STARD8: variants seen among roughly 807,000 people sequenced by gnomAD.
STARD8 encodes the protein StAR related lipid transfer domain containing 8.
STARD8 carries 25 observed loss-of-function variants against 69.4 expected under a neutral mutation model. That is an observed-to-expected ratio of 0.36 (90% CI 0.26 to 0.50). The LOEUF is 0.50. Among genes scored for constraint, STARD8 ranks in the 20% least tolerant of loss-of-function variants. STARD8 has a pLI of 0.96. For synonymous variants in STARD8, 389 were observed against 374.6 expected (o/e 1.04, Z -0.45); for missense variants, 921 against 932.5 (o/e 0.99, Z 0.16).
rs1478600919 is a variant in STARD8, at chrX:68,661,968, CTCTCTTTCTTTCTT to C, written c.46-3527_46-3514del. Among the ~76,000 whole-genome samples, 479 of 74,439 alleles carry C rather than the reference CTCTCTTTCTTTCTT, an allele frequency of 6.4e-3. 1 individual carries two copies. Among genetic ancestry groups the C allele is most frequent in the African/African-American group, 0.037 (438 of 11,863 alleles). The allele number at this position is 74,439 out of a possible 115,157, so 64.6% of individuals were successfully genotyped here. A position where few individuals can be genotyped will look rare whatever the true frequency, so the allele number is the denominator to read the frequency against. On this transcript the variant is annotated intron_variant, in intron 1 of 14. Coordinates refer to ENST00000374599, the MANE Select transcript of STARD8 (RefSeq NM_001142503.3). ...TTCCTCTCTCTCTCTCTCTCTCTCTCTCTCTTTCTTTCTTTCTTTCTTTCTTTCTTTCTTTCTTT... is the reference window on the plus strand; with the variant it reads ...TTCCTCTCTCTCTCTCTCTCTCTCTCTCTTTCTTTCTTTCTTTCTTTCTTT...
chrX:68,715,502 T>C lies in STARD8; in HGVS notation c.233+127T>C, dbSNP rs1457138478. 5.6e-6 allele frequency: 3 copies of C among 537,710 alleles called. No homozygotes were observed. The African/African-American group carries it at 7.1e-5, about 13-fold the overall frequency. The allele number at this position is 537,710 out of a possible 1,213,427, so 44.3% of individuals were successfully genotyped here. A position where few individuals can be genotyped will look rare whatever the true frequency, so the allele number is the denominator to read the frequency against. ...GCTTACTAACAAAGCTCATCTTCTGTGGTCACATTGCTCATTCTGTTCTTT... is the reference window on the plus strand; with the variant it reads ...GCTTACTAACAAAGCTCATCTTCTGCGGTCACATTGCTCATTCTGTTCTTT... On this transcript the variant is annotated intron_variant, in intron 4 of 14. Transcript: ENST00000374599.
chrX:68,725,547 G>C lies in STARD8; in HGVS notation c.*1125G>C, dbSNP rs1428555711. 1.0e-5 allele frequency: 1 copy of C among 99,192 alleles called. No individual in the cohort carries two copies. Among genetic ancestry groups the C allele is most frequent in the Non-Finnish European group, 2.0e-5 (1 of 50,717 alleles). The allele number at this position is 99,192 out of a possible 1,213,427, so 8.2% of individuals were successfully genotyped here. On this transcript the variant is annotated 3_prime_UTR_variant, in exon 15 of 15. Coordinates refer to ENST00000374599, the MANE Select transcript of STARD8 (RefSeq NM_001142503.3). ...TATTTTATTTGTACCTGTAAATACTGTACAGCTAATATATATATATATATA... is the reference window on the plus strand; with the variant it reads ...TATTTTATTTGTACCTGTAAATACTCTACAGCTAATATATATATATATATA...
At position 68,684,571 on chromosome X, in the gene STARD8, G is replaced by T. The variant is rs374490281; in HGVS notation, c.79+19039G>T. On this transcript the variant is annotated intron_variant, in intron 2 of 14. Transcript: ENST00000374599. ...TTTCCGCGGGCGGCGTGGGGGAGGGGGCTGCCCCTGTGAGAGGCGCAGTGC... is the reference window on the plus strand; with the variant it reads ...TTTCCGCGGGCGGCGTGGGGGAGGGTGCTGCCCCTGTGAGAGGCGCAGTGC... 3.9e-4 allele frequency among the ~76,000 whole-genome samples: 44 copies of T among 112,615 alleles called. 2 individuals carry two copies. In the East Asian group the frequency reaches 4.8e-3, roughly 12 times the overall value.
At chrX:68,694,946 C>G (rs1006982003) in intron 2 of STARD8, among the ~76,000 whole-genome samples, 12 of 110,781 alleles carry the variant, frequency 1.1e-4, no homozygotes, top group Non-Finnish European at 2.3e-4. Flanking sequence ...ATGCTTACCC[C>G]CAAGTCCCAG....
Position 68,718,315 on chromosome X carries a change from G to T in STARD8, c.1401G>T (p.Pro467=). 8.3e-7 allele frequency: 1 copy of T among 1,210,266 alleles called. No homozygotes were observed. The highest frequency in any genetic ancestry group is 3.0e-5 in the East Asian group (1 of 33,747). Residue 467 remains proline (P), a synonymous_variant, in exon 6 of 15, where the codon CCG becomes CCT. Transcript: ENST00000374599. Reference sequence around the variant, plus strand: ...AAGTCCAGCCAGCAGTCCTGGCTCCGGCTCAGGCTCCAGCTGAGGCTGAAC... The same window carrying T: ...AAGTCCAGCCAGCAGTCCTGGCTCCTGCTCAGGCTCCAGCTGAGGCTGAAC... The part of the protein sequence containing the change: ...QAEVQPAVLA[P]AQAPAEAEPV...
intron 2 of STARD8, chrX:68,693,861 A>G: frequency 1.3e-6 from 1 of 746,398 alleles, no homozygotes; most frequent in Non-Finnish European, 1.6e-6. Flanking sequence ...GGAGATCCAG[A>G]CAAACGGGGG....
intron 2 of STARD8, among the ~76,000 whole-genome samples, chrX:68,680,785 G>A (rs1453114992): frequency 9.0e-6 from 1 of 110,935 alleles, no homozygotes; most frequent in Non-Finnish European, 1.9e-5. Flanking sequence ...CCAGATAAAG[G>A]CAGAAGGAAT....
chrX:68,649,191 G>A (rs1403467800), intron 1 of STARD8, among the ~76,000 whole-genome samples: 3 of 111,680 alleles, frequency 2.7e-5, no homozygotes, highest in African/African-American at 9.8e-5. Context: ...CATTTGGGCT[G>A]AGCCTGAGGC....
intron 1 of STARD8, among the ~76,000 whole-genome samples, chrX:68,660,513 A>G (rs2147876031): frequency 9.0e-6 from 1 of 111,692 alleles, no homozygotes; most frequent in South Asian, 3.8e-4. Flanking sequence ...TAAAAGTGGC[A>G]CCGTGACACC....
intron 2 of STARD8, among the ~76,000 whole-genome samples, chrX:68,681,836 C>T (rs777903978): frequency 9.0e-6 from 1 of 111,473 alleles, no homozygotes; most frequent in East Asian, 2.8e-4. Context: ...TCCCCTCTCA[C>T]CACCTGTGGT....
chrX:68,706,933 G>A (rs981801748), intron 2 of STARD8, among the ~76,000 whole-genome samples: 2 of 113,209 alleles, frequency 1.8e-5, no homozygotes, highest in African/African-American at 6.4e-5. Context: ...TAGCATTTCT[G>A]AGCAGCAGTA....
At chrX:68,668,276 C>CTT (rs1569355554) in intron 2 of STARD8, among the ~76,000 whole-genome samples, 3 of 45,097 alleles carry the variant, frequency 6.7e-5, no homozygotes, top group Non-Finnish European at 1.2e-4. Flanking sequence ...CTTTCTTTCT[C>CTT]TTTCTTTCTT....
At chrX:68,703,606 T>G (rs1384034024) in intron 2 of STARD8, among the ~76,000 whole-genome samples, 1 of 112,199 alleles carries the variant, frequency 8.9e-6, no homozygotes, top group African/African-American at 3.2e-5. Context: ...TAATTTTCTC[T>G]GGATCTCAGG....
intron 7 of STARD8, 144 bp from the exon 8 acceptor site, chrX:68,720,120 C>T: frequency 1.5e-6 from 1 of 679,040 alleles, no homozygotes; most frequent in Non-Finnish European, 2.0e-6. Flanking sequence ...TGGGGCTGGG[C>T]CCAAAACAGG....
At chrX:68,712,767 G>T in intron 2 of STARD8, 147 bp from the exon 3 acceptor site, 1 of 524,228 alleles carries the variant, frequency 1.9e-6, no homozygotes, top group Non-Finnish European at 3.2e-6. Context: ...AATGTGCTAG[G>T]ACCTCTGGCC....
At chrX:68,672,012 T>A (rs2079731597) in intron 2 of STARD8, among the ~76,000 whole-genome samples, 1 of 112,164 alleles carries the variant, frequency 8.9e-6, no homozygotes, top group Admixed American at 9.4e-5. Flanking sequence ...TTGGCTGCAT[T>A]AAATGTTGGC....
chrX:68,648,049 G>A (rs1011148466), intron 1 of STARD8, 122 bp downstream of exon 1: 3 of 885,846 alleles, frequency 3.4e-6, no homozygotes, highest in South Asian at 2.5e-5. Flanking sequence ...TGAGGCTCTC[G>A]GAGTTAGAAA....
At chrX:68,685,761 T>C (rs1362092219) in intron 2 of STARD8, among the ~76,000 whole-genome samples, 1 of 112,642 alleles carries the variant, frequency 8.9e-6, no homozygotes, top group Non-Finnish European at 1.9e-5. Flanking sequence ...TAAGGACTGA[T>C]TCCACTTCAG....
intron 2 of STARD8, among the ~76,000 whole-genome samples, chrX:68,708,467 G>A (rs751817238): frequency 1.4e-4 from 16 of 112,245 alleles, no homozygotes; most frequent in Non-Finnish European, 3.0e-4. Context: ...GACGTGGCCT[G>A]TGTAAATGTA....
Sources: allele counts gnomAD v4.1 joint callset (sites outside exome capture counted in the v4.1 genomes callset), GRCh38; gene constraint gnomAD v4.1.1; transcripts MANE v1.5; gene names NCBI Gene and HGNC (gene_info 2026-07-23, HGNC 2026-07-21).